The following THEMIS variants were observed in gnomAD, a reference collection of about 807,000 sequenced individuals.
The protein encoded by THEMIS is thymocyte selection associated, also known as protein THEMIS.
A neutral mutation model predicts 52.6 loss-of-function variants in THEMIS; 37 were observed. The ratio of observed to expected loss-of-function variants is 0.70; its 90% confidence interval spans 0.54 to 0.93. The LOEUF is 0.93. THEMIS is among the 40% of genes least tolerant of loss of function. The probability of loss-of-function intolerance (pLI) is 0.00; values close to 1 mark genes in which losing one functional copy is unlikely to be tolerated. For missense variants in THEMIS, 808 were observed against 763.1 expected (o/e 1.06, Z -0.69); for synonymous variants, 292 against 272.7 (o/e 1.07, Z -0.70).
intron 1 of THEMIS, among the ~76,000 whole-genome samples, chr6:127,876,532 G>A (rs1318817785): frequency 6.6e-6 from 1 of 152,108 alleles, no homozygotes; most frequent in African/African-American, 2.4e-5. Flanking sequence ...AGATTCTTGG[G>A]TTATCTTCCA....
intron 4 of THEMIS, among the ~76,000 whole-genome samples, chr6:127,772,523 TA>T (rs1562247627): frequency 6.6e-6 from 1 of 152,070 alleles, no homozygotes; most frequent in Non-Finnish European, 1.5e-5. Flanking sequence ...GCATCTGAGC[TA>T]AAAAAGCATT....
rs148834279 is a variant in THEMIS, at chr6:127,899,494, T to C, written c.91+1348A>G. Among the ~76,000 whole-genome samples the C allele has an allele frequency of 6.6e-3, 999 of 151,866 alleles. 4 individuals are homozygous for C. The highest frequency in any genetic ancestry group is 1.0e-2 in the Non-Finnish European group (675 of 67,814). ...TATGATTTGAAGGAGGCAACAAAAA[T>C]CAATGGCGGAAAGATTGTCAGCTTA... On this transcript the variant is annotated intron_variant, in intron 1 of 5. Transcript: ENST00000368248.
rs1226538922 is a variant in THEMIS at position 127,785,557 on chromosome 6, A to C, written c.1758+27326T>G. Among the ~76,000 whole-genome samples the C allele has an allele frequency of 2.0e-5, 3 of 151,924 alleles. 1 individual carries two copies. On this transcript the variant is annotated intron_variant, in intron 4 of 5. Coordinates refer to ENST00000368248, the MANE Select transcript of THEMIS (RefSeq NM_001010923.3). ...TGTGTGGACTATATTTATCTTCTTT[A>C]GATCTTATTTGGTTTAATCTTTACC...
At chr6:127,861,521 C>T (rs982341562) in intron 1 of THEMIS, among the ~76,000 whole-genome samples, 8 of 151,952 alleles carry the variant, frequency 5.3e-5, no homozygotes, top group Non-Finnish European at 1.0e-4. Flanking sequence ...CAGTGGCTCA[C>T]GCCTGTAAGC....
chr6:127,897,885 T>C (rs1170501272), intron 1 of THEMIS, among the ~76,000 whole-genome samples: 1 of 151,700 alleles, frequency 6.6e-6, no homozygotes, highest in East Asian at 1.9e-4. Context: ...CAAATGCCTA[T>C]TGGCAGTAGA....
downstream of THEMIS, among the ~76,000 whole-genome samples, chr6:127,707,161 T>C (rs936253026): frequency 1.3e-5 from 2 of 151,842 alleles, no homozygotes; most frequent in African/African-American, 4.8e-5. Context: ...GGGGAAACTG[T>C]CCCCATGACT....
intron 4 of THEMIS, among the ~76,000 whole-genome samples, chr6:127,747,047 T>C (rs1411702862): frequency 2.6e-5 from 3 of 116,054 alleles, no homozygotes; most frequent in African/African-American, 6.6e-5. Context: ...TATAGATATC[T>C]ATAATTATAT....
intron 3 of THEMIS, among the ~76,000 whole-genome samples, chr6:127,815,321 C>T (rs1157651533): frequency 6.6e-6 from 1 of 151,664 alleles, no homozygotes; most frequent in Non-Finnish European, 1.5e-5. Flanking sequence ...TTTCTTCCTT[C>T]CATGCTTTTG....
At chr6:127,870,239 C>T (rs919801524) in intron 1 of THEMIS, among the ~76,000 whole-genome samples, 9 of 152,222 alleles carry the variant, frequency 5.9e-5, no homozygotes, top group African/African-American at 2.2e-4. Context: ...CCAAGAGAGG[C>T]CCAGTAATAA....
chr6:127,797,621 G>T (rs1037277160), intron 4 of THEMIS, among the ~76,000 whole-genome samples: 39 of 152,238 alleles, frequency 2.6e-4, no homozygotes, highest in African/African-American at 9.4e-4. Context: ...CCTCCAAATG[G>T]ATCACCTGAA....
chr6:127,798,847 C>T (rs1205505807), intron 4 of THEMIS, among the ~76,000 whole-genome samples: 3 of 151,582 alleles, frequency 2.0e-5, no homozygotes, highest in Non-Finnish European at 4.4e-5. Flanking sequence ...AAAAAATTAG[C>T]TGGGCGTGGT....
chr6:127,743,974 T>C (rs752609143), intron 4 of THEMIS, among the ~76,000 whole-genome samples: 6 of 152,074 alleles, frequency 3.9e-5, no homozygotes, highest in Non-Finnish European at 7.4e-5. Context: ...GACAAAAAAC[T>C]GAAATCTGGA....
chr6:127,741,978 T>C (rs910184164), intron 4 of THEMIS, among the ~76,000 whole-genome samples: 4 of 151,980 alleles, frequency 2.6e-5, no homozygotes, highest in Non-Finnish European at 5.9e-5. Context: ...ATATGAGCCA[T>C]TGTGGAAAAC....
chr6:127,917,035 T>C (rs1781541241), intron 1 of THEMIS, among the ~76,000 whole-genome samples: 2 of 152,212 alleles, frequency 1.3e-5, no homozygotes, highest in South Asian at 4.1e-4. Context: ...AGCATTGATG[T>C]TAAAATTTAG....
chr6:127,915,941 T>G (rs1781516501), intron 1 of THEMIS, among the ~76,000 whole-genome samples: 1 of 152,134 alleles, frequency 6.6e-6, no homozygotes, highest in African/African-American at 2.4e-5. Context: ...GAGCCGAGAT[T>G]GTGCCACCAC....
intron 2 of THEMIS, among the ~76,000 whole-genome samples, chr6:127,840,822 AT>A (rs1364369696): frequency 6.6e-6 from 1 of 152,072 alleles, no homozygotes; most frequent in African/African-American, 2.4e-5. Flanking sequence ...TTAAATATGT[AT>A]TAGTAGGTGA....
intron 3 of THEMIS, among the ~76,000 whole-genome samples, chr6:127,823,880 T>A (rs997109044): frequency 7.9e-5 from 12 of 152,146 alleles, no homozygotes; most frequent in African/African-American, 2.7e-4. Context: ...CTAAAAGATA[T>A]CTGCAATCCT....
At chr6:127,759,702 A>G (rs1775950408) in intron 4 of THEMIS, among the ~76,000 whole-genome samples, 1 of 150,720 alleles carries the variant, frequency 6.6e-6, no homozygotes, top group South Asian at 2.1e-4. Context: ...CCAAGTCACC[A>G]CTCCCTCTTC....
chr6:127,875,700 T>C (rs532824076), intron 1 of THEMIS, among the ~76,000 whole-genome samples: 2 of 152,340 alleles, frequency 1.3e-5, no homozygotes, highest in African/African-American at 4.8e-5. Context: ...ATAGGACTAG[T>C]GACTACTGTA....
Sources: gnomAD v4.1 joint callset for allele counts (sites outside exome capture counted in the v4.1 genomes callset) on GRCh38, gnomAD v4.1.1 for gene constraint, MANE v1.5 for transcripts, NCBI Gene and HGNC (gene_info 2026-07-23, HGNC 2026-07-21) for gene names.